CRBN: variants seen among roughly 807,000 people sequenced by gnomAD.
CRBN encodes cereblon.
A neutral mutation model predicts 62.2 loss-of-function variants in CRBN; 53 were observed. The observed-to-expected ratio is 0.85, with a 90% CI of 0.68 to 1.07. The LOEUF (loss-of-function observed/expected upper bound fraction) is 1.07, where lower values mean the gene tolerates loss of function less well. Among genes scored for constraint, CRBN ranks in the 50% least tolerant of loss-of-function variants. CRBN has a pLI of 0.00. For synonymous variants in CRBN, 208 were observed against 176.1 expected (o/e 1.18, Z -1.43); for missense variants, 616 against 531.1 (o/e 1.16, Z -1.57).
At chr3:3,174,324 C>T in intron 2 of CRBN, 63 bp from the exon 3 acceptor site, 1 of 1,273,980 alleles carries the variant, frequency 7.8e-7, no homozygotes, top group Non-Finnish European at 1.1e-6. Flanking sequence ...GTAAGCTCAA[C>T]AGACTAAAGA....
chr3:3,160,326 G>T (rs1293685347), intron 5 of CRBN, among the ~76,000 whole-genome samples: 1 of 152,208 alleles, frequency 6.6e-6, no homozygotes, highest in African/African-American at 2.4e-5. Context: ...GTCACTTATT[G>T]TGTTAAATCC....
Position 3,156,210 on chromosome 3 carries a change from GTTAC to G in CRBN, c.750+5_750+8del, listed in dbSNP as rs778366622. ...CATATATAAAGTAAATTTAAGGTAA[GTTAC>G]TTACAGCATCATATAAGGAATACAG... On this transcript the variant is annotated splice_donor_5th_base_variant and intron_variant, in intron 6 of 10. Transcript: ENST00000231948. The G allele has an allele frequency of 1.2e-6, 2 of 1,605,528 alleles. No individual in the cohort carries two copies. Among genetic ancestry groups the G allele is most frequent in the Non-Finnish European group, 1.7e-6 (2 of 1,172,418 alleles).
chr3:3,170,216 A>T (rs1707547832), intron 4 of CRBN, among the ~76,000 whole-genome samples: 1 of 152,150 alleles, frequency 6.6e-6, no homozygotes, highest in Non-Finnish European at 1.5e-5. Context: ...GCTGGCCTTA[A>T]ATGATTCACA....
chr3:3,151,490 A>AAAT (rs1426831297), intron 10 of CRBN, among the ~76,000 whole-genome samples: 5 of 87,720 alleles, frequency 5.7e-5, no homozygotes, highest in African/African-American at 1.7e-4. Context: ...ACGTCTCAAA[A>AAAT]AGTAAATATT....
rs760180642 is a variant in CRBN at position 3,174,101 on chromosome 3, T to C, written c.335A>G (p.Asn112Ser). Residue 112 changes from asparagine (N) to serine (S), a missense_variant, in exon 3 of 11, where the codon AAT becomes AGT. Coordinates refer to ENST00000231948, the MANE Select transcript of CRBN (RefSeq NM_016302.4). The part of the protein sequence containing the change: ...FHPQEVSMVR[N>S]LIQKDRTFAV... The stretch of plus-strand genomic sequence containing the variant: ...AAAGGTTCTATCTTTCTGAATTAAA[T>C]TCCGCACCATACTGACTTCTTGAGG... The C allele has an allele frequency of 6.2e-7, 1 of 1,614,194 alleles. No individual in the cohort carries two copies. The highest frequency in any genetic ancestry group is 1.6e-4 in the Middle Eastern group (1 of 6,062).
intron 4 of CRBN, among the ~76,000 whole-genome samples, chr3:3,170,429 G>C (rs370190481): frequency 1.3e-5 from 2 of 152,334 alleles, no homozygotes; most frequent in Non-Finnish European, 2.9e-5. Context: ...GCTGGCTTGA[G>C]TTTCAAATGT....
At chr3:3,176,735 C>T (rs1159294008) in intron 1 of CRBN, among the ~76,000 whole-genome samples, 2 of 152,112 alleles carry the variant, frequency 1.3e-5, no homozygotes, top group South Asian at 2.1e-4. Flanking sequence ...GACTCCATCT[C>T]AAAAGAAAGA....
Position 3,174,157 on chromosome 3 carries a change from G to A in CRBN, c.279C>T (p.Pro93=), listed in dbSNP as rs773279779. ...VLPQVMMILI[P]GQTLPLQLFH... ...AAAGCTGAAGAGGTAATGTCTGTCC[G>A]GGAATCAGGATCATCATCACTTGTG... Residue 93 remains proline (P), a synonymous_variant, in exon 3 of 11, where the codon CCC becomes CCT. Transcript: ENST00000231948. The A allele has an allele frequency of 7.4e-6, 12 of 1,613,990 alleles. No homozygotes were observed. The highest frequency in any genetic ancestry group is 1.3e-5 in the African/African-American group (1 of 74,914).
intron 9 of CRBN, 44 bp from the exon 10 acceptor site, chr3:3,152,631 T>C: frequency 1.2e-6 from 2 of 1,611,636 alleles, no homozygotes; most frequent in Non-Finnish European, 1.7e-6. Flanking sequence ...AAACGAGAAG[T>C]CTAATTTTAT....
At chr3:3,170,048 C>G (rs1707538225) in intron 4 of CRBN, among the ~76,000 whole-genome samples, 1 of 152,032 alleles carries the variant, frequency 6.6e-6, no homozygotes, top group Non-Finnish European at 1.5e-5. Context: ...GGTATAATCT[C>G]TGCTCAGTGC....
chr3:3,179,516 G>A (rs567305929), intron 1 of CRBN, 105 bp downstream of exon 1: 2 of 1,140,242 alleles, frequency 1.8e-6, no homozygotes, highest in Non-Finnish European at 2.6e-6. Context: ...GGGCTGGCTC[G>A]CCAGGCTTGG....
At chr3:3,173,554 A>G (rs1707712107) in intron 3 of CRBN, among the ~76,000 whole-genome samples, 1 of 152,190 alleles carries the variant, frequency 6.6e-6, no homozygotes. Context: ...TACTGGCAGC[A>G]CTGTACTGGG....
intron 5 of CRBN, 56 bp downstream of exon 5, chr3:3,167,578 G>GAA: frequency 6.6e-7 from 1 of 1,524,456 alleles, no homozygotes; most frequent in East Asian, 2.3e-5. Context: ...CTTAAAACAG[G>GAA]AAAAAAAACA....
intron 5 of CRBN, chr3:3,167,380 T>C (rs1482280709): frequency 2.8e-6 from 1 of 358,652 alleles, no homozygotes. Flanking sequence ...GAATTAAAAA[T>C]CAAAAGCGAT....
At position 3,179,527 on chromosome 3, in the gene CRBN, C is replaced by T. The variant is rs536372981; in HGVS notation, c.67+94G>A. On this transcript the variant is annotated intron_variant, in intron 1 of 10. Coordinates refer to ENST00000231948, the MANE Select transcript of CRBN (RefSeq NM_016302.4). The stretch of plus-strand genomic sequence containing the variant: ...TGCTGGGCTGGCTCGCCAGGCTTGG[C>T]GCCCCCACGCCCGCCTCCCAGGCCC... 51 of 1,260,408 alleles carry T rather than the reference C, an allele frequency of 4.0e-5. No individual in the cohort carries two copies. The East Asian group carries it at 9.5e-4, about 23-fold the overall frequency. The allele number at this position is 1,260,408 out of a possible 1,614,324, so 78.1% of individuals were successfully genotyped here. A position where few individuals can be genotyped will look rare whatever the true frequency, so the allele number is the denominator to read the frequency against.
intron 5 of CRBN, among the ~76,000 whole-genome samples, chr3:3,159,008 A>C (rs1628875): frequency 0.91 from 138,449 of 151,978 alleles, 64,437 homozygotes; most frequent in East Asian, 1. Flanking sequence ...GACGGTTTTG[A>C]CCCTTTTGCT....
At chr3:3,164,910 T>C (rs1049506043) in intron 5 of CRBN, among the ~76,000 whole-genome samples, 3 of 152,196 alleles carry the variant, frequency 2.0e-5, no homozygotes, top group African/African-American at 4.8e-5. Context: ...AAAAAGTAAA[T>C]TGAAAACCTT....
At chr3:3,176,006 C>T (rs75902618) in intron 1 of CRBN, among the ~76,000 whole-genome samples, 2,910 of 152,226 alleles carry the variant, frequency 0.019, 86 homozygotes, top group African/African-American at 0.066. Context: ...CAGTGTGTGT[C>T]AGGTTTTTCC....
rs1706472757 is a variant in CRBN, at chr3:3,150,749, G to C, written c.*116C>G. The C allele has an allele frequency of 1.0e-6, 1 of 994,068 alleles. No homozygotes were observed. The highest frequency in any genetic ancestry group is 1.5e-5 in the South Asian group (1 of 64,818). 61.6% of individuals were successfully genotyped at this position (994,068 alleles called of 1,614,324 possible). On this transcript the variant is annotated 3_prime_UTR_variant, in exon 11 of 11. Coordinates refer to ENST00000231948, the MANE Select transcript of CRBN (RefSeq NM_016302.4). ...ACTGCAACCCTCCAAGTAATGTTAT[G>C]TTTACTTAGGTATTAATGTTATGTT...
Sources: gnomAD v4.1 joint callset for allele counts (sites outside exome capture counted in the v4.1 genomes callset) on GRCh38, gnomAD v4.1.1 for gene constraint, MANE v1.5 for transcripts, NCBI Gene and HGNC (gene_info 2026-07-23, HGNC 2026-07-21) for gene names.